The following ANKRD44 variants were observed in gnomAD, a reference collection of about 807,000 sequenced individuals.
ANKRD44 encodes the protein ankyrin repeat domain 44.
In ANKRD44, 35 loss-of-function variants were observed where a neutral mutation model predicts 116.0. The observed-to-expected ratio is 0.30, with a 90% CI of 0.23 to 0.40. The LOEUF (loss-of-function observed/expected upper bound fraction) is 0.40, where lower values mean the gene tolerates loss of function less well. Ranked by LOEUF, ANKRD44 falls within the 10% of genes least tolerant of loss-of-function variation. ANKRD44 has a pLI of 1.00. For missense variants in ANKRD44, 1,014 were observed against 1,242.6 expected (o/e 0.82, Z 2.77); for synonymous variants, 435 against 461.8 (o/e 0.94, Z 0.74).
chr2:197,116,530 G>A (rs1000647528), intron 8 of ANKRD44, among the ~76,000 whole-genome samples: 2 of 152,096 alleles, frequency 1.3e-5, no homozygotes, highest in Non-Finnish European at 2.9e-5. Context: ...TGGTCTCTTT[G>A]ATGCCCCCAT....
In ANKRD44 at chr2:196,987,338, CT is replaced by C; in HGVS notation, c.*2252del. The C allele has an allele frequency of 1.0e-6, 1 of 985,154 alleles. No individual in the cohort carries two copies. Among genetic ancestry groups the C allele is most frequent in the South Asian group, 4.7e-5 (1 of 21,276 alleles). The allele number at this position is 985,154 out of a possible 1,614,324, so 61.0% of individuals were successfully genotyped here. ...AAAGAAAAGTTGAAATGAAAACTCACTGGTATCATATTGCTCTGATAACACT... is the reference window on the plus strand; with the variant it reads ...AAAGAAAAGTTGAAATGAAAACTCACGGTATCATATTGCTCTGATAACACT... On this transcript the variant is annotated 3_prime_UTR_variant, in exon 28 of 28. Transcript: ENST00000282272.
chr2:197,017,505 A>G (rs978049818), intron 17 of ANKRD44, among the ~76,000 whole-genome samples: 4 of 152,176 alleles, frequency 2.6e-5, no homozygotes, highest in African/African-American at 9.6e-5. Context: ...TTTTCTCATT[A>G]CATTATGTTT....
Position 197,203,155 on chromosome 2 carries a change from G to C in ANKRD44, c.28-16049C>G, listed in dbSNP as rs2081131720. On this transcript the variant is annotated intron_variant, in intron 1 of 27. Coordinates refer to ENST00000282272, the MANE Select transcript of ANKRD44 (RefSeq NM_001195144.2). This position sits in a 1 kb window ranked among gnomAD's most constrained non-coding sequence, Gnocchi z 4.1. ...CCCTCTTCAGGGAGGCTGTCCTATA[G>C]AAATAATGAGATATACAGACAATTT... Among the ~76,000 whole-genome samples the C allele has an allele frequency of 6.6e-6, 1 of 151,978 alleles. No individual in the cohort carries two copies. The highest frequency in any genetic ancestry group is 2.4e-5 in the African/African-American group (1 of 41,376).
At chr2:197,028,453 A>G (rs750947822) in intron 16 of ANKRD44, among the ~76,000 whole-genome samples, 2 of 152,198 alleles carry the variant, frequency 1.3e-5, no homozygotes, top group Non-Finnish European at 2.9e-5. Context: ...CAAAGCCTCG[A>G]TATGTGCTAT....
At chr2:197,277,796 G>C (rs2083134889) in intron 1 of ANKRD44, among the ~76,000 whole-genome samples, 1 of 152,132 alleles carries the variant, frequency 6.6e-6, no homozygotes, top group Non-Finnish European at 1.5e-5. Flanking sequence ...GCTGTCACCA[G>C]CATTCAGGAG....
chr2:197,227,045 G>A (rs2081734199), intron 1 of ANKRD44, among the ~76,000 whole-genome samples: 1 of 152,024 alleles, frequency 6.6e-6, no homozygotes. Context: ...CCTGTGGGCT[G>A]GAACACACCT....
chr2:197,277,260 G>C (rs2083119360), intron 1 of ANKRD44, among the ~76,000 whole-genome samples: 1 of 152,020 alleles, frequency 6.6e-6, no homozygotes, highest in Non-Finnish European at 1.5e-5. Flanking sequence ...AAGTATAGAG[G>C]ACACGGAGTG....
rs2075846492 is a variant in ANKRD44 at position 196,987,093 on chromosome 2, C to T, written c.*2498G>A. ...ATATTTGCATTGAATTTTTAGATCA[C>T]ATAAGAAACGCATAGAATTACATTT... On this transcript the variant is annotated 3_prime_UTR_variant, in exon 28 of 28. Coordinates refer to ENST00000282272, the MANE Select transcript of ANKRD44 (RefSeq NM_001195144.2). 6.1e-6 allele frequency: 6 copies of T among 984,716 alleles called. No individual in the cohort carries two copies. In the Admixed American group the frequency reaches 3.7e-4, roughly 61 times the overall value. The allele number at this position is 984,716 out of a possible 1,614,324, so 61.0% of individuals were successfully genotyped here. A position where few individuals can be genotyped will look rare whatever the true frequency, so the allele number is the denominator to read the frequency against.
At chr2:196,996,907 A>AC (rs1448932962) in intron 25 of ANKRD44, among the ~76,000 whole-genome samples, 2 of 150,668 alleles carry the variant, frequency 1.3e-5, no homozygotes, top group Non-Finnish European at 3.0e-5. Flanking sequence ...TGCCTCAAAA[A>AC]AAAAAAAAAA....
chr2:197,102,061 A>AAAAAAC (rs923802630), intron 9 of ANKRD44, among the ~76,000 whole-genome samples: 3 of 152,026 alleles, frequency 2.0e-5, no homozygotes, highest in Non-Finnish European at 4.4e-5. Flanking sequence ...AAAAAAAAAC[A>AAAAAAC]AAAAACAAAA....
intron 1 of ANKRD44, among the ~76,000 whole-genome samples, chr2:197,227,332 C>A (rs1210042350): frequency 6.6e-6 from 1 of 152,190 alleles, no homozygotes; most frequent in Non-Finnish European, 1.5e-5. Context: ...AATAGCTGGA[C>A]CGAGGACTGC....
chr2:197,157,015 G>T (rs932124508), intron 2 of ANKRD44, among the ~76,000 whole-genome samples: 1 of 152,138 alleles, frequency 6.6e-6, no homozygotes, highest in African/African-American at 2.4e-5. Context: ...CACTGTATAT[G>T]TTCATTATCT....
At chr2:197,099,731 G>A in intron 10 of ANKRD44, 85 bp downstream of exon 10, 1 of 1,549,866 alleles carries the variant, frequency 6.5e-7, no homozygotes. Flanking sequence ...CTGGATAAAT[G>A]GGAACTATCT....
At chr2:197,011,975 GACTACAA>G (rs1308581288) in intron 18 of ANKRD44, among the ~76,000 whole-genome samples, 16 of 152,144 alleles carry the variant, frequency 1.1e-4, no homozygotes, top group African/African-American at 3.6e-4. Context: ...ACGACTCAAA[GACTACAA>G]ACTGTCACTC....
At chr2:197,093,181 T>C in intron 10 of ANKRD44, among the ~76,000 whole-genome samples, 1 of 151,798 alleles carries the variant, frequency 6.6e-6, no homozygotes, top group Non-Finnish European at 1.5e-5. Flanking sequence ...ATATACAATA[T>C]AGTTTATAAA....
chr2:197,084,745 C>T (rs1424863523), intron 13 of ANKRD44, among the ~76,000 whole-genome samples: 1 of 149,978 alleles, frequency 6.7e-6, no homozygotes, highest in African/African-American at 2.5e-5. Flanking sequence ...GACTTTTCTC[C>T]TCTTTAGTTA....
intron 16 of ANKRD44, among the ~76,000 whole-genome samples, chr2:197,039,788 C>T (rs1022183972): frequency 8.6e-5 from 13 of 151,762 alleles, no homozygotes; most frequent in Non-Finnish European, 1.8e-4. Flanking sequence ...TATCATATCA[C>T]TCATGGGTAG....
At chr2:197,092,559 C>T (rs988196723) in intron 10 of ANKRD44, among the ~76,000 whole-genome samples, 5 of 152,146 alleles carry the variant, frequency 3.3e-5, no homozygotes, top group Admixed American at 6.5e-5. Context: ...TGGTTTTATT[C>T]GGTCTTCCCT....
intron 22 of ANKRD44, 89 bp downstream of exon 22, chr2:197,001,664 T>C (rs2076117453): frequency 1.1e-6 from 1 of 912,766 alleles, no homozygotes; most frequent in Non-Finnish European, 1.7e-6. Flanking sequence ...ATCTGTAATC[T>C]AAAAGACTTT....
Sources: allele counts gnomAD v4.1 joint callset (sites outside exome capture counted in the v4.1 genomes callset), GRCh38; gene constraint gnomAD v4.1.1; non-coding constraint Gnocchi (gnomAD v3.1); transcripts MANE v1.5; gene names NCBI Gene and HGNC (gene_info 2026-07-23, HGNC 2026-07-21).